The following GOLPH3 variants were observed in gnomAD, a reference collection of about 807,000 sequenced individuals.
GOLPH3 encodes the protein golgi phosphoprotein 3, also known as coat protein GPP34.
In GOLPH3, 14 loss-of-function variants were observed where a neutral mutation model predicts 28.5. The ratio of observed to expected loss-of-function variants is 0.49; its 90% CI spans 0.32 to 0.77. GOLPH3 has a LOEUF of 0.77. Ranked by LOEUF, GOLPH3 falls within the 30% of genes least tolerant of loss-of-function variation. The probability of loss-of-function intolerance (pLI) is 0.03; values close to 1 mark genes in which losing one functional copy is unlikely to be tolerated. For missense variants in GOLPH3, 350 were observed against 393.7 expected (o/e 0.89, Z 0.94); for synonymous variants, 158 against 159.2 (o/e 0.99, Z 0.06).
chr5:32,148,307 G>A (rs571060747), intron 1 of GOLPH3, among the ~76,000 whole-genome samples: 14 of 152,142 alleles, frequency 9.2e-5, no homozygotes, highest in Non-Finnish European at 1.6e-4. Flanking sequence ...GTTTGCAACC[G>A]CTAAACATTT....
At chr5:32,157,270 T>A (rs2111879355) in intron 1 of GOLPH3, among the ~76,000 whole-genome samples, 1 of 152,250 alleles carries the variant, frequency 6.6e-6, no homozygotes, top group East Asian at 1.9e-4. Context: ...GGGATTCCAA[T>A]CCTCAGCCTT....
Position 32,126,267 on chromosome 5 carries a change from A to T in GOLPH3, c.842T>A (p.Leu281Gln). 6.2e-7 allele frequency: 1 copy of T among 1,614,186 alleles called. No homozygotes were observed. The highest frequency in any genetic ancestry group is 1.7e-5 in the Admixed American group (1 of 60,022). Residue 281 changes from leucine (L) to glutamine (Q), a missense_variant, in exon 4 of 4, where the codon CTG becomes CAG. Physicochemically the swap from Leu to Gln is moderately radical, Grantham distance 113. Transcript: ENST00000265070. Reference protein sequence around the residue: ...LLDLDPEVECLKANTNEVLWA... With the variant: ...LLDLDPEVECQKANTNEVLWA... ...CAGAACCTCATTGGTGTTGGCCTTC[A>T]GACATTCCACTTCAGGGTCTAAGTC...
intron 2 of GOLPH3, among the ~76,000 whole-genome samples, chr5:32,143,401 G>T (rs1028601628): frequency 8.6e-5 from 13 of 151,642 alleles, no homozygotes; most frequent in Non-Finnish European, 1.8e-4. Context: ...ATTGTCCTGT[G>T]ACCCTGCCAA....
At chr5:32,168,108 A>C (rs1746754880) in intron 1 of GOLPH3, among the ~76,000 whole-genome samples, 1 of 152,242 alleles carries the variant, frequency 6.6e-6, no homozygotes, top group Non-Finnish European at 1.5e-5. Flanking sequence ...TCTTAGAAAC[A>C]ACGAAAATTC....
At chr5:32,144,582 T>C (rs947636472) in intron 1 of GOLPH3, among the ~76,000 whole-genome samples, 5 of 152,340 alleles carry the variant, frequency 3.3e-5, no homozygotes, top group South Asian at 2.1e-4. Context: ...CAGTGCGACA[T>C]TGTCTCTTAA....
At chr5:32,162,939 G>A (rs566798463) in intron 1 of GOLPH3, among the ~76,000 whole-genome samples, 5 of 152,272 alleles carry the variant, frequency 3.3e-5, no homozygotes, top group African/African-American at 1.2e-4. Context: ...TTAGCCGGGT[G>A]TGGTGGCAGG....
At chr5:32,169,074 G>C (rs887086445) in intron 1 of GOLPH3, among the ~76,000 whole-genome samples, 2 of 151,984 alleles carry the variant, frequency 1.3e-5, no homozygotes, top group Admixed American at 1.3e-4. Flanking sequence ...AGGAGTTCAA[G>C]ACCAGCCTGA....
At chr5:32,145,084 C>T (rs1436055715) in intron 1 of GOLPH3, among the ~76,000 whole-genome samples, 3 of 152,196 alleles carry the variant, frequency 2.0e-5, no homozygotes, top group Non-Finnish European at 2.9e-5. Context: ...TCAATCCTGG[C>T]ACTTTGTCAG....
chr5:32,159,297 G>T (rs977091871), intron 1 of GOLPH3, among the ~76,000 whole-genome samples: 1 of 152,216 alleles, frequency 6.6e-6, no homozygotes, highest in African/African-American at 2.4e-5. Flanking sequence ...AAATTCATTT[G>T]TGTTTCACAT....
At chr5:32,126,996 A>C (rs1320059373) in intron 3 of GOLPH3, among the ~76,000 whole-genome samples, 2 of 152,310 alleles carry the variant, frequency 1.3e-5, no homozygotes, top group South Asian at 2.1e-4. Flanking sequence ...ATTAAACACC[A>C]GTCTGCAACT....
Position 32,126,138 on chromosome 5 carries a change from GA to G in GOLPH3, c.*73del. Reference sequence around the variant, plus strand: ...ATAGTGTGGGAAAGTACAAATTACAGAAAACCAGAAGTCAACAGAAGAAAAA... The same window carrying G: ...ATAGTGTGGGAAAGTACAAATTACAGAAACCAGAAGTCAACAGAAGAAAAA... On this transcript the variant is annotated 3_prime_UTR_variant, in exon 4 of 4. Coordinates refer to ENST00000265070, the MANE Select transcript of GOLPH3 (RefSeq NM_022130.4). 6.9e-7 allele frequency: 1 copy of G among 1,440,062 alleles called. No individual in the cohort carries two copies. The highest frequency in any genetic ancestry group is 9.4e-7 in the Non-Finnish European group (1 of 1,061,472). The allele number at this position is 1,440,062 out of a possible 1,614,324, so 89.2% of individuals were successfully genotyped here. A position where few individuals can be genotyped will look rare whatever the true frequency, so the allele number is the denominator to read the frequency against.
rs556274931 is a variant in GOLPH3 at position 32,162,231 on chromosome 5, G to A, written c.225+11579C>T. ...TTTAAGGCCAGGCGTGGTGGCTCACGCCTGTAATCCCAGCACTTTGGGAGG... is the reference window on the plus strand; with the variant it reads ...TTTAAGGCCAGGCGTGGTGGCTCACACCTGTAATCCCAGCACTTTGGGAGG... On this transcript the variant is annotated intron_variant, in intron 1 of 3. Coordinates refer to ENST00000265070, the MANE Select transcript of GOLPH3 (RefSeq NM_022130.4). Among the ~76,000 whole-genome samples the A allele has an allele frequency of 3.8e-3, 567 of 150,946 alleles. 10 individuals are homozygous for A. Among genetic ancestry groups the A allele is most frequent in the Non-Finnish European group, 5.2e-3 (354 of 67,956 alleles).
chr5:32,163,132 T>C (rs1301348221), intron 1 of GOLPH3, among the ~76,000 whole-genome samples: 1 of 152,194 alleles, frequency 6.6e-6, no homozygotes, highest in Non-Finnish European at 1.5e-5. Flanking sequence ...ACTAAGGTTC[T>C]AAAATTCAAA....
At chr5:32,155,763 G>C (rs1482090413) in intron 1 of GOLPH3, among the ~76,000 whole-genome samples, 1 of 149,966 alleles carries the variant, frequency 6.7e-6, no homozygotes, top group East Asian at 2.0e-4. Context: ...TTTGAGACCA[G>C]CCTGACCAAC....
At chr5:32,137,637 C>T (rs936057765) in intron 2 of GOLPH3, among the ~76,000 whole-genome samples, 5 of 151,976 alleles carry the variant, frequency 3.3e-5, no homozygotes, top group Admixed American at 2.6e-4. Flanking sequence ...CCAGCCTGGG[C>T]GACAAGAGCA....
Position 32,126,250 on chromosome 5 carries a change from C to T in GOLPH3, c.859G>A (p.Glu287Lys). ...EVECLKANTN[E>K]VLWAVVAAFT... Reference sequence around the variant, plus strand: ...GCCGCCACCACCGCCCACAGAACCTCATTGGTGTTGGCCTTCAGACATTCC... The same window carrying T: ...GCCGCCACCACCGCCCACAGAACCTTATTGGTGTTGGCCTTCAGACATTCC... Residue 287 changes from glutamate to lysine, a missense_variant, in exon 4 of 4, where the codon GAG (glutamate) becomes AAG (lysine). By Grantham distance (56) the Glu-to-Lys change is moderately conservative (BLOSUM62 1). Coordinates refer to ENST00000265070, the MANE Select transcript of GOLPH3 (RefSeq NM_022130.4). 2 of 1,613,910 alleles carry T rather than the reference C, an allele frequency of 1.2e-6. No individual in the cohort carries two copies. Among genetic ancestry groups the T allele is most frequent in the Non-Finnish European group, 8.5e-7 (1 of 1,179,784 alleles).
rs1031363025 is a variant in GOLPH3, at chr5:32,167,443, A to G, written c.225+6367T>C. ...CACCTCGGCTTCCCAAAGTACTGGGATTACAGGTGTGAGCCACCGCACCCA... is the reference window on the plus strand; with the variant it reads ...CACCTCGGCTTCCCAAAGTACTGGGGTTACAGGTGTGAGCCACCGCACCCA... On this transcript the variant is annotated intron_variant, in intron 1 of 3. Transcript: ENST00000265070. Among the ~76,000 whole-genome samples, 3 of 152,224 alleles carry G rather than the reference A, an allele frequency of 2.0e-5. No homozygotes were observed. The East Asian group carries it at 5.8e-4, about 29-fold the overall frequency.
At chr5:32,153,826 A>T (rs902538241) in intron 1 of GOLPH3, among the ~76,000 whole-genome samples, 6 of 152,198 alleles carry the variant, frequency 3.9e-5, no homozygotes, top group Non-Finnish European at 5.9e-5. Flanking sequence ...GAGTCCTACA[A>T]GCAGTAACAA....
At chr5:32,138,218 T>A (rs1222287587) in intron 2 of GOLPH3, among the ~76,000 whole-genome samples, 1 of 152,146 alleles carries the variant, frequency 6.6e-6, no homozygotes, top group Non-Finnish European at 1.5e-5. Context: ...ACATCACTTT[T>A]AAAATGCTGA....
Sources: allele counts gnomAD v4.1 joint callset (sites outside exome capture counted in the v4.1 genomes callset), GRCh38; gene constraint gnomAD v4.1.1; transcripts MANE v1.5; gene names NCBI Gene and HGNC (gene_info 2026-07-23, HGNC 2026-07-21).